The following CLASP1 variants were observed in gnomAD, a reference collection of about 807,000 sequenced individuals.
CLASP1 encodes CLIP-associating protein 1.
CLASP1 carries 38 observed loss-of-function variants against 192.3 expected under a neutral mutation model. That is an observed-to-expected ratio of 0.20 (90% CI 0.15 to 0.26). The LOEUF (loss-of-function observed/expected upper bound fraction) is 0.26. CLASP1 is among the 10% of genes least tolerant of loss of function. The pLI is 1.00. For synonymous variants in CLASP1, 691 were observed against 712.8 expected (o/e 0.97, Z 0.49); for missense variants, 1,433 against 1,932.5 (o/e 0.74, Z 4.85).
rs188034920 is a variant in CLASP1, at chr2:121,416,187, T to C, written c.2320+2435A>G. Among the ~76,000 whole-genome samples the C allele has an allele frequency of 2.5e-4, 38 of 152,316 alleles. No individual in the cohort carries two copies. The East Asian group carries it at 5.8e-3, about 23-fold the overall frequency. ...AGAATATTCTAAAAAAAATCTGTCA[T>C]GCCATGAGTCCTCTGTCACATTCAC... On this transcript the variant is annotated intron_variant, in intron 23 of 39. Transcript: ENST00000263710.
intron 2 of CLASP1, among the ~76,000 whole-genome samples, chr2:121,554,062 A>C (rs1367780977): frequency 6.6e-6 from 1 of 151,734 alleles, no homozygotes; most frequent in Non-Finnish European, 1.5e-5. Flanking sequence ...AAAAAAAAAA[A>C]AAACTTAGAT....
chr2:121,459,317 C>G (rs1461039981), intron 12 of CLASP1, among the ~76,000 whole-genome samples: 1 of 152,100 alleles, frequency 6.6e-6, no homozygotes, highest in African/African-American at 2.4e-5. Flanking sequence ...CACATACCAG[C>G]CCACCTGCCC....
chr2:121,440,329 A>G (rs1256292293), intron 19 of CLASP1, among the ~76,000 whole-genome samples: 1 of 152,202 alleles, frequency 6.6e-6, no homozygotes, highest in Non-Finnish European at 1.5e-5. Context: ...TGGCAATATT[A>G]CTATGAGTAC....
intron 2 of CLASP1, chr2:121,530,861 C>T (rs2094775423): frequency 1.5e-6 from 1 of 677,798 alleles, no homozygotes; most frequent in East Asian, 2.7e-5. Context: ...CTGCTTGCAG[C>T]CCAGGGACTT....
chr2:121,376,903 T>G (rs2070374737), intron 34 of CLASP1, among the ~76,000 whole-genome samples: 1 of 152,226 alleles, frequency 6.6e-6, no homozygotes, highest in African/African-American at 2.4e-5. Context: ...CCCAGCACCC[T>G]CAGACAGGGC....
At chr2:121,558,872 T>TG (rs1348571520) in intron 2 of CLASP1, among the ~76,000 whole-genome samples, 1 of 152,184 alleles carries the variant, frequency 6.6e-6, no homozygotes. Context: ...CCAGATTCTC[T>TG]CATGGTTCTG....
chr2:121,359,591 G>C (rs1300824349), intron 37 of CLASP1, among the ~76,000 whole-genome samples: 2 of 152,250 alleles, frequency 1.3e-5, no homozygotes, highest in East Asian at 3.9e-4. Context: ...CACTCTCAAG[G>C]CCTTAGCCCT....
chr2:121,530,997 T>G (rs863225423), intron 2 of CLASP1: 2 of 700,202 alleles, frequency 2.9e-6, no homozygotes, highest in South Asian at 1.5e-5. Context: ...TTTGGTGCAA[T>G]TTTTGGAAAA....
At chr2:121,471,717 T>C (rs566831115) in intron 8 of CLASP1, among the ~76,000 whole-genome samples, 3 of 152,320 alleles carry the variant, frequency 2.0e-5, no homozygotes, top group African/African-American at 7.2e-5. Flanking sequence ...CATGTCCTTA[T>C]GCAGATTAGC....
intron 18 of CLASP1, among the ~76,000 whole-genome samples, chr2:121,447,898 C>A (rs545410594): frequency 3.4e-4 from 51 of 152,178 alleles, no homozygotes; most frequent in Non-Finnish European, 6.6e-4. Flanking sequence ...CTGGAACATG[C>A]CACTCTCCCA....
intron 9 of CLASP1, among the ~76,000 whole-genome samples, chr2:121,469,339 G>A (rs986768281): frequency 2.6e-5 from 4 of 152,058 alleles, no homozygotes; most frequent in South Asian, 2.1e-4. Context: ...CCCTGCATGC[G>A]GAGTATACAC....
chr2:121,420,093 G>A (rs529815524), intron 22 of CLASP1, among the ~76,000 whole-genome samples: 14 of 151,556 alleles, frequency 9.2e-5, no homozygotes, highest in African/African-American at 2.9e-4. Context: ...AGACTCTGAA[G>A]GCATTTAAGT....
At chr2:121,595,917 CATGGGCTTACTGAATCCTCT>C (rs2063085541) in intron 2 of CLASP1, among the ~76,000 whole-genome samples, 2 of 152,224 alleles carry the variant, frequency 1.3e-5, no homozygotes, top group African/African-American at 4.8e-5. Context: ...GGCTTATATA[CATGGGCTTACTGAATCCTCT>C]ATGTAGTAAA....
At chr2:121,399,805 T>G (rs2075874367) in intron 28 of CLASP1, among the ~76,000 whole-genome samples, 1 of 152,200 alleles carries the variant, frequency 6.6e-6, no homozygotes, top group African/African-American at 2.4e-5. Flanking sequence ...CCTAAATATA[T>G]GAAATAGATC....
chr2:121,444,533 T>A (rs1020292132), intron 19 of CLASP1, among the ~76,000 whole-genome samples: 1 of 152,004 alleles, frequency 6.6e-6, no homozygotes, highest in African/African-American at 2.4e-5. Context: ...GAAAGGCAAA[T>A]CCTGAGAGGC....
intron 7 of CLASP1, 61 bp downstream of exon 7, chr2:121,515,604 T>C (rs1211677073): frequency 8.3e-7 from 1 of 1,199,496 alleles, no homozygotes; most frequent in Non-Finnish European, 1.2e-6. Context: ...AGATATTAAC[T>C]GGAAAACAAA....
intron 2 of CLASP1, among the ~76,000 whole-genome samples, chr2:121,549,135 C>A (rs1232621539): frequency 6.6e-6 from 1 of 152,180 alleles, no homozygotes; most frequent in Non-Finnish European, 1.5e-5. Flanking sequence ...ATAAAAGGCA[C>A]AGAGTGGCAA....
chr2:121,425,150 C>T, exon 22 of CLASP1: 5 of 1,610,434 alleles, frequency 3.1e-6, no homozygotes, highest in Non-Finnish European at 4.2e-6. Context: ...TAATCCTATT[C>T]GGTTTGGACT....
chr2:121,503,275 T>C lies in CLASP1; in HGVS notation c.645-41A>G, dbSNP rs1325352179. On this transcript the variant is annotated intron_variant, in intron 7 of 39. Coordinates refer to ENST00000263710, the Ensembl canonical transcript of CLASP1. Reference sequence around the variant, plus strand: ...ATGTAAACAAACTATTAACCATCACTGCTCATAGCCAATTATATTAAAATG... The same window carrying C: ...ATGTAAACAAACTATTAACCATCACCGCTCATAGCCAATTATATTAAAATG... 11 of 1,108,376 alleles carry C rather than the reference T, an allele frequency of 9.9e-6. No individual in the cohort carries two copies. In the East Asian group the frequency reaches 2.8e-4, roughly 29 times the overall value. The allele number at this position is 1,108,376 out of a possible 1,614,324, so 68.7% of individuals were successfully genotyped here. A position where few individuals can be genotyped will look rare whatever the true frequency, so the allele number is the denominator to read the frequency against.
Sources: gnomAD v4.1 joint callset for allele counts (sites outside exome capture counted in the v4.1 genomes callset) on GRCh38, gnomAD v4.1.1 for gene constraint, MANE v1.5 for transcripts, NCBI Gene and HGNC (gene_info 2026-07-23, HGNC 2026-07-21) for gene names.